The following MARK1 variants were observed in gnomAD, a reference collection of about 807,000 sequenced individuals.
MARK1 encodes the protein microtubule affinity regulating kinase 1, also known as serine/threonine-protein kinase MARK1.
A neutral mutation model predicts 96.3 loss-of-function variants in MARK1; 40 were observed. The observed-to-expected ratio is 0.42, with a 90% CI of 0.32 to 0.54. The LOEUF (loss-of-function observed/expected upper bound fraction) is 0.54, where lower values mean the gene tolerates loss of function less well. MARK1 is among the 20% of genes least tolerant of loss of function. The probability of loss-of-function intolerance (pLI) is 0.16; values close to 1 mark genes in which losing one functional copy is unlikely to be tolerated. For synonymous variants in MARK1, 317 were observed against 341.2 expected, an observed-to-expected ratio of 0.93 and a Z score of 0.78; for missense variants, 719 against 984.6, an observed-to-expected ratio of 0.73 and a Z score of 3.61.
intron 9 of MARK1, among the ~76,000 whole-genome samples, chr1:220,624,037 C>A (rs1667182849): frequency 6.6e-6 from 1 of 152,192 alleles, no homozygotes; most frequent in South Asian, 2.1e-4. Context: ...TTGGCTGACA[C>A]CTGTAATCCT....
chr1:220,553,846 A>G (rs958287872), intron 1 of MARK1, among the ~76,000 whole-genome samples: 5 of 152,290 alleles, frequency 3.3e-5, no homozygotes, highest in East Asian at 1.9e-4. Context: ...CTGGATTTCT[A>G]TCTGCCACAG....
In MARK1 at chr1:220,559,675, G is replaced by A. The variant is rs532247689; in HGVS notation, c.52-19679G>A. Among the ~76,000 whole-genome samples the A allele has an allele frequency of 2.0e-5, 3 of 152,320 alleles. No individual in the cohort carries two copies. In the South Asian group the frequency reaches 6.2e-4, roughly 32 times the overall value. Reference sequence around the variant, plus strand: ...TGGAACTGAACAGAATCCATAGCATGGGAAGTGGTTTTGGCAGGGAGATTT... The same window carrying A: ...TGGAACTGAACAGAATCCATAGCATAGGAAGTGGTTTTGGCAGGGAGATTT... On this transcript the variant is annotated intron_variant, in intron 1 of 17. Coordinates refer to ENST00000366917, the MANE Select transcript of MARK1 (RefSeq NM_018650.5).
chr1:220,627,312 C>G (rs1052880827), intron 9 of MARK1: 1 of 503,144 alleles, frequency 2.0e-6, no homozygotes, highest in African/African-American at 2.0e-5. Flanking sequence ...CTTCCAACTT[C>G]AAAAAAGCCA....
intron 10 of MARK1, among the ~76,000 whole-genome samples, chr1:220,631,923 G>T (rs1040574498): frequency 1.3e-5 from 2 of 152,194 alleles, no homozygotes; most frequent in African/African-American, 4.8e-5. Flanking sequence ...ACTGGACAAA[G>T]AAAGTTAGCT....
intron 1 of MARK1, among the ~76,000 whole-genome samples, chr1:220,532,282 A>G (rs942230914): frequency 1.3e-5 from 2 of 152,216 alleles, no homozygotes; most frequent in Admixed American, 1.3e-4. Flanking sequence ...TCTTTTGAGA[A>G]TCATTGTTAA....
At chr1:220,546,820 A>C (rs372900904) in intron 1 of MARK1, among the ~76,000 whole-genome samples, 8 of 152,200 alleles carry the variant, frequency 5.3e-5, no homozygotes, top group African/African-American at 1.9e-4. Flanking sequence ...CCAATACAAA[A>C]AATTAGCTGG....
intron 1 of MARK1, among the ~76,000 whole-genome samples, chr1:220,533,004 C>G (rs1464515862): frequency 1.9e-5 from 1 of 53,934 alleles, no homozygotes; most frequent in African/African-American, 4.0e-5. Context: ...AGTGTGAACC[C>G]TTTTTTTTAA....
At chr1:220,532,159 C>T (rs1276615359) in intron 1 of MARK1, among the ~76,000 whole-genome samples, 3 of 152,052 alleles carry the variant, frequency 2.0e-5, no homozygotes, top group Non-Finnish European at 2.9e-5. Context: ...TTCAGTTAGA[C>T]TAAAAAGCCT....
intron 1 of MARK1, among the ~76,000 whole-genome samples, chr1:220,566,722 G>T (rs998433549): frequency 6.6e-6 from 1 of 152,190 alleles, no homozygotes; most frequent in East Asian, 1.9e-4. Context: ...ACAAATTCAG[G>T]CATAATCTAC....
intron 14 of MARK1, 90 bp from the exon 15 acceptor site, chr1:220,651,896 A>C: frequency 9.8e-7 from 1 of 1,024,946 alleles, no homozygotes; most frequent in East Asian, 2.5e-5. Context: ...TAGTCAGTTT[A>C]GATTTTTTAA....
intron 1 of MARK1, among the ~76,000 whole-genome samples, chr1:220,538,988 T>C (rs1348559252): frequency 6.6e-6 from 1 of 152,046 alleles, no homozygotes; most frequent in Non-Finnish European, 1.5e-5. Flanking sequence ...TGGGGTTTTC[T>C]AGATATACAA....
intron 1 of MARK1, among the ~76,000 whole-genome samples, chr1:220,534,636 T>G (rs1660554236): frequency 6.6e-6 from 1 of 152,154 alleles, no homozygotes; most frequent in African/African-American, 2.4e-5. Context: ...TTTTTCATCT[T>G]GTGTGACTGA....
At chr1:220,546,182 C>G (rs1037274898) in intron 1 of MARK1, among the ~76,000 whole-genome samples, 4 of 152,190 alleles carry the variant, frequency 2.6e-5, no homozygotes, top group Admixed American at 6.5e-5. Context: ...GAGCCTGTCT[C>G]TCTTCCCTAT....
intron 1 of MARK1, among the ~76,000 whole-genome samples, chr1:220,551,598 T>A (rs1266838816): frequency 6.6e-6 from 1 of 152,182 alleles, no homozygotes; most frequent in Non-Finnish European, 1.5e-5. Flanking sequence ...ATTTCTCTTC[T>A]CAGTCTCTCC....
intron 3 of MARK1, among the ~76,000 whole-genome samples, chr1:220,583,814 AT>A (rs34848222): frequency 0.16 from 17,070 of 105,218 alleles, 512 homozygotes; most frequent in Middle Eastern, 0.27. Flanking sequence ...TGCCTGGCTA[AT>A]TTTTTTTTTT....
At chr1:220,603,321 G>A (rs984048287) in intron 5 of MARK1, among the ~76,000 whole-genome samples, 4 of 151,906 alleles carry the variant, frequency 2.6e-5, no homozygotes, top group African/African-American at 9.7e-5. Flanking sequence ...GTAAAGTAAT[G>A]GATCCAGTAG....
intron 15 of MARK1, 120 bp from the exon 16 acceptor site, chr1:220,652,981 T>C: frequency 8.8e-7 from 1 of 1,136,234 alleles, no homozygotes; most frequent in Non-Finnish European, 1.3e-6. Context: ...ACATCTCTAA[T>C]GTGAACAAAT....
intron 13 of MARK1, among the ~76,000 whole-genome samples, chr1:220,637,793 G>A (rs1668047885): frequency 6.7e-6 from 1 of 149,624 alleles, no homozygotes; most frequent in African/African-American, 2.5e-5. Context: ...CTTTAAACCA[G>A]CAGAAGGAAA....
chr1:220,556,485 CAAAAAAA>C (rs55808704), intron 1 of MARK1, among the ~76,000 whole-genome samples: 1 of 85,822 alleles, frequency 1.2e-5, no homozygotes, highest in South Asian at 4.3e-4. Flanking sequence ...GGGACTGTCA[CAAAAAAA>C]AAAAAAAAAA....
Sources: allele counts gnomAD v4.1 joint callset (sites outside exome capture counted in the v4.1 genomes callset), GRCh38; gene constraint gnomAD v4.1.1; transcripts MANE v1.5; gene names NCBI Gene and HGNC (gene_info 2026-07-23, HGNC 2026-07-21).